Variants in SIRPG observed in about 807,000 individuals in gnomAD.
SIRPG encodes signal-regulatory protein gamma.
A neutral mutation model predicts 35.7 loss-of-function variants in SIRPG; 38 were observed. The observed-to-expected ratio is 1.06, with a 90% CI of 0.82 to 1.40. The LOEUF (loss-of-function observed/expected upper bound fraction) is 1.40. Ranked by LOEUF, SIRPG falls within the 40% of genes most tolerant of loss-of-function variation. SIRPG has a pLI of 0.00. For missense variants in SIRPG, 519 were observed against 483.0 expected (o/e 1.07, Z -0.70); for synonymous variants, 215 against 190.4 (o/e 1.13, Z -1.06).
At chr20:1,661,492 C>T (rs149836066), upstream of SIRPG, among the ~76,000 whole-genome samples, 1,786 of 152,290 alleles carry the variant, frequency 0.012, 85 homozygotes, top group Admixed American at 0.092. Flanking sequence ...GAAATACACT[C>T]ATGTAGAGCA....
At chr20:1,658,974 G>A (rs1264240874), upstream of SIRPG, among the ~76,000 whole-genome samples, 3 of 152,140 alleles carry the variant, frequency 2.0e-5, no homozygotes, top group Admixed American at 6.5e-5. Context: ...CCAGCTGTGT[G>A]ATTTTCAAAA....
At chr20:1,673,084 C>A in the SIRPG span, among the ~76,000 whole-genome samples, 69 of 152,160 alleles carry the variant, frequency 4.5e-4, no homozygotes, top group Non-Finnish European at 9.4e-4. Flanking sequence ...CAACAATCAC[C>A]AGGAAGCATA....
At chr20:1,667,702 T>C in the SIRPG span, among the ~76,000 whole-genome samples, 1 of 152,192 alleles carries the variant, frequency 6.6e-6, no homozygotes, top group African/African-American at 2.4e-5. Flanking sequence ...GTCCTCTGGG[T>C]GCACCTGAGC....
the SIRPG span, among the ~76,000 whole-genome samples, chr20:1,681,001 T>C: frequency 1.3e-5 from 2 of 152,260 alleles, no homozygotes; most frequent in South Asian, 4.1e-4. Context: ...TGTCAGGTCC[T>C]GGAACATAGT....
At chr20:1,672,746 T>TGTG in the SIRPG span, among the ~76,000 whole-genome samples, 1 of 151,814 alleles carries the variant, frequency 6.6e-6, no homozygotes, top group Non-Finnish European at 1.5e-5. Context: ...AATCATTTGT[T>TGTG]GTTGTTGTTG....
At chr20:1,641,137 G>C (rs1001603357) in intron 2 of SIRPG, among the ~76,000 whole-genome samples, 2 of 152,186 alleles carry the variant, frequency 1.3e-5, no homozygotes, top group Non-Finnish European at 2.9e-5. Context: ...ATGAGTCAGG[G>C]AGGTGTCCCA....
chr20:1,669,996 G>A, the SIRPG span: 21 of 246,634 alleles, frequency 8.5e-5, no homozygotes, highest in Admixed American at 2.4e-4. Flanking sequence ...TGCCCATCAT[G>A]CGCCATCTGG....
At chr20:1,680,818 A>G in the SIRPG span, among the ~76,000 whole-genome samples, 2 of 146,764 alleles carry the variant, frequency 1.4e-5, no homozygotes, top group Non-Finnish European at 3.0e-5. Context: ...TAAGTCATAT[A>G]CTCATACTTT....
the SIRPG span, among the ~76,000 whole-genome samples, chr20:1,674,098 T>G: frequency 4.1e-4 from 63 of 152,318 alleles, no homozygotes; most frequent in Non-Finnish European, 7.3e-4. Flanking sequence ...GGACCACTTT[T>G]GCTAGGGGGC....
chr20:1,679,246 A>T, the SIRPG span, among the ~76,000 whole-genome samples: 4 of 152,046 alleles, frequency 2.6e-5, no homozygotes, highest in African/African-American at 7.2e-5. Context: ...GGCACTCAAA[A>T]TTGTATGAGG....
the SIRPG span, among the ~76,000 whole-genome samples, chr20:1,667,119 A>T: frequency 1.3e-5 from 2 of 151,958 alleles, no homozygotes; most frequent in Admixed American, 1.3e-4. Context: ...CTGATCTCAA[A>T]CTCTTGGGCT....
intron 4 of SIRPG, among the ~76,000 whole-genome samples, chr20:1,635,001 C>G (rs2091783646): frequency 6.6e-6 from 1 of 151,588 alleles, no homozygotes; most frequent in African/African-American, 2.4e-5. Flanking sequence ...AGAGATCGCG[C>G]CACTGCACTC....
chr20:1,654,429 A>G lies in SIRPG; in HGVS notation c.73+3213T>C, dbSNP rs551965659. Among the ~76,000 whole-genome samples, 136 of 152,330 alleles carry G rather than the reference A, an allele frequency of 8.9e-4. 1 individual carries two copies. Among genetic ancestry groups the G allele is most frequent in the South Asian group, 7.9e-3 (38 of 4,824 alleles). ...ATTGACTATTGACAAAAGTGTGAAG[A>G]AAACACAATGGTGAAAGGTCTGTCT... On this transcript the variant is annotated intron_variant, in intron 1 of 5. Transcript: ENST00000303415.
At chr20:1,676,219 G>T in the SIRPG span, among the ~76,000 whole-genome samples, 2 of 152,150 alleles carry the variant, frequency 1.3e-5, no homozygotes, top group Non-Finnish European at 2.9e-5. Flanking sequence ...GATTGCTAAT[G>T]ATCTAGGAAG....
chr20:1,666,622 A>C, the SIRPG span: 16 of 152,258 alleles, frequency 1.1e-4, no homozygotes, highest in African/African-American at 3.6e-4. Flanking sequence ...CCTGGGCAAC[A>C]CAGTGAGACC....
chr20:1,663,252 G>T, the SIRPG span, among the ~76,000 whole-genome samples: 1 of 152,190 alleles, frequency 6.6e-6, no homozygotes, highest in South Asian at 2.1e-4. Flanking sequence ...GGCAGAGCTT[G>T]CAGTCAGCCG....
the SIRPG span, among the ~76,000 whole-genome samples, chr20:1,668,152 T>C: frequency 0.48 from 51,986 of 107,762 alleles, 9,958 homozygotes; most frequent in Admixed American, 0.55. Context: ...CTTTTCTTTT[T>C]TTCTTTTCTT....
At chr20:1,671,054 A>T in the SIRPG span, 1 of 425,918 alleles carries the variant, frequency 2.3e-6, no homozygotes, top group Non-Finnish European at 4.8e-6. Context: ...TTGATCTGGA[A>T]GCCTGAGAGC....
chr20:1,671,560 G>A, the SIRPG span, among the ~76,000 whole-genome samples: 3 of 152,268 alleles, frequency 2.0e-5, no homozygotes, highest in East Asian at 1.9e-4. Context: ...ACCCAGCGGC[G>A]CTAGAGGAAT....
Sources: gnomAD v4.1 joint callset for allele counts (sites outside exome capture counted in the v4.1 genomes callset) on GRCh38, gnomAD v4.1.1 for gene constraint, MANE v1.5 for transcripts, NCBI Gene and HGNC (gene_info 2026-07-23, HGNC 2026-07-21) for gene names.